FSHR: variants seen among roughly 807,000 people sequenced by gnomAD.
The protein encoded by FSHR is follicle stimulating hormone receptor.
FSHR carries 46 observed loss-of-function variants against 52.1 expected under a neutral mutation model. That is an observed-to-expected ratio of 0.88 (90% CI 0.70 to 1.13). FSHR has a LOEUF of 1.13. Among genes scored for constraint, FSHR ranks in the 50% most tolerant of loss-of-function variants. The pLI, the probability that FSHR is intolerant of heterozygous loss-of-function variation, is 0.00. For synonymous variants in FSHR, 399 were observed against 309.6 expected, an observed-to-expected ratio of 1.29 and a Z score of -3.03; for missense variants, 964 against 834.6, an observed-to-expected ratio of 1.16 and a Z score of -1.91.
chr2:49,002,065 G>C (rs867361849), intron 4 of FSHR, among the ~76,000 whole-genome samples: 32 of 152,000 alleles, frequency 2.1e-4, no homozygotes, highest in Admixed American at 2.6e-4. Flanking sequence ...TGTAAGTTTG[G>C]GGAATTCAGT....
chr2:49,129,622 A>C (rs1380834437), intron 1 of FSHR, among the ~76,000 whole-genome samples: 3 of 152,206 alleles, frequency 2.0e-5, no homozygotes, highest in African/African-American at 7.2e-5. Context: ...AAGATGTAGC[A>C]TGGTGTCCAT....
rs530965095 is a variant in FSHR, at chr2:49,119,076, C to A, written c.152+35190G>T. Reference sequence around the variant, plus strand: ...TTTGGGGACCTCCACGTTACATGGGCAGTGGACATCAGTGAGTAGGATAAG... The same window carrying A: ...TTTGGGGACCTCCACGTTACATGGGAAGTGGACATCAGTGAGTAGGATAAG... On this transcript the variant is annotated intron_variant, in intron 1 of 9. Coordinates refer to ENST00000406846, the MANE Select transcript of FSHR (RefSeq NM_000145.4). Among the ~76,000 whole-genome samples the A allele has an allele frequency of 1.3e-5, 2 of 152,176 alleles. 1 individual carries two copies. Among genetic ancestry groups the A allele is most frequent in the African/African-American group, 4.8e-5 (2 of 41,430 alleles).
intron 2 of FSHR, among the ~76,000 whole-genome samples, chr2:49,051,610 C>T (rs1668858889): frequency 6.6e-6 from 1 of 151,866 alleles, no homozygotes; most frequent in Non-Finnish European, 1.5e-5. Flanking sequence ...ATATGTATTG[C>T]AGATATTTTC....
rs550869530 is a variant in FSHR, at chr2:49,088,112, A to G, written c.153-19822T>C. Among the ~76,000 whole-genome samples, 3 of 152,324 alleles carry G rather than the reference A, an allele frequency of 2.0e-5. No homozygotes were observed. In the South Asian group the frequency reaches 6.2e-4, roughly 32 times the overall value. On this transcript the variant is annotated intron_variant, in intron 1 of 9. Coordinates refer to ENST00000406846, the MANE Select transcript of FSHR (RefSeq NM_000145.4). ...ATGGTTTATTTACTTGATCAAGGACACAGTTAGAAAGTGGCAGATGTAGTT... is the reference window on the plus strand; with the variant it reads ...ATGGTTTATTTACTTGATCAAGGACGCAGTTAGAAAGTGGCAGATGTAGTT...
chr2:49,004,484 G>A (rs1667012297), intron 4 of FSHR, among the ~76,000 whole-genome samples: 1 of 152,146 alleles, frequency 6.6e-6, no homozygotes, highest in African/African-American at 2.4e-5. Context: ...GCCTGAATAT[G>A]ATGAACTCAG....
At chr2:48,966,000 A>G (rs533691756) in intron 9 of FSHR, among the ~76,000 whole-genome samples, 4 of 152,308 alleles carry the variant, frequency 2.6e-5, no homozygotes, top group Admixed American at 2.0e-4. Context: ...GTGGCATAGC[A>G]GTGTCGCAGA....
At chr2:49,047,890 A>C (rs1668716486) in intron 2 of FSHR, among the ~76,000 whole-genome samples, 1 of 152,070 alleles carries the variant, frequency 6.6e-6, no homozygotes, top group Non-Finnish European at 1.5e-5. Context: ...ATTTATTATT[A>C]TTTTTTGAGA....
At chr2:48,990,695 T>C in intron 4 of FSHR, 58 bp from the exon 5 acceptor site, 1 of 1,020,238 alleles carries the variant, frequency 9.8e-7, no homozygotes, top group South Asian at 1.3e-5. Flanking sequence ...AAACAGTTGT[T>C]AGAGCATGAA....
chr2:49,078,192 C>T (rs1055950639), intron 1 of FSHR, among the ~76,000 whole-genome samples: 3 of 152,308 alleles, frequency 2.0e-5, no homozygotes, highest in African/African-American at 7.2e-5. Flanking sequence ...GGAGGCCTCA[C>T]AATCATGGTG....
chr2:49,013,695 C>G (rs1473477735), intron 4 of FSHR, among the ~76,000 whole-genome samples: 2 of 151,364 alleles, frequency 1.3e-5, no homozygotes, highest in African/African-American at 2.4e-5. Flanking sequence ...TCTCAACTCC[C>G]TAATGGGAAA....
chr2:49,115,922 C>T (rs568830825), intron 1 of FSHR, among the ~76,000 whole-genome samples: 57 of 152,200 alleles, frequency 3.7e-4, no homozygotes, highest in African/African-American at 1.3e-3. Context: ...TGAAACCCAG[C>T]AAAAGGGCCT....
intron 2 of FSHR, among the ~76,000 whole-genome samples, chr2:49,038,635 TAATA>T (rs1263698806): frequency 2.3e-5 from 1 of 43,200 alleles, no homozygotes; most frequent in Middle Eastern, 0.01. Flanking sequence ...AAAATAATAA[TAATA>T]ATAATAATAA....
intron 1 of FSHR, among the ~76,000 whole-genome samples, chr2:49,138,908 C>T (rs17038320): frequency 0.14 from 21,939 of 151,850 alleles, 1,639 homozygotes; most frequent in East Asian, 0.23. Flanking sequence ...TTCTAATGCT[C>T]GTAATTTCTG....
At chr2:49,117,453 T>TG (rs1453072591) in intron 1 of FSHR, among the ~76,000 whole-genome samples, 1 of 152,216 alleles carries the variant, frequency 6.6e-6, no homozygotes, top group Non-Finnish European at 1.5e-5. Context: ...AGTTTCTAAG[T>TG]GGATAGTCAT....
At chr2:48,972,730 C>A (rs777131165) in intron 8 of FSHR, among the ~76,000 whole-genome samples, 58 of 151,282 alleles carry the variant, frequency 3.8e-4, no homozygotes, top group Admixed American at 1.5e-3. Flanking sequence ...TTAAAAAAAA[C>A]ATTTTAGAAG....
intron 1 of FSHR, among the ~76,000 whole-genome samples, chr2:49,091,372 C>T (rs563455186): frequency 2.7e-4 from 41 of 152,220 alleles, no homozygotes; most frequent in African/African-American, 9.9e-4. Flanking sequence ...AGCATCATCA[C>T]GGCTCTCTGC....
At chr2:49,079,847 T>C (rs1670101395) in intron 1 of FSHR, among the ~76,000 whole-genome samples, 1 of 152,082 alleles carries the variant, frequency 6.6e-6, no homozygotes, top group Non-Finnish European at 1.5e-5. Flanking sequence ...CGCACTAAAA[T>C]TGAAAAATTA....
intron 1 of FSHR, among the ~76,000 whole-genome samples, chr2:49,117,201 C>A (rs538799326): frequency 6.6e-6 from 1 of 152,326 alleles, no homozygotes; most frequent in East Asian, 1.9e-4. Context: ...TACGGAATAT[C>A]TAGCTTCTGT....
chr2:49,052,419 T>C (rs1668896856), intron 2 of FSHR, among the ~76,000 whole-genome samples: 2 of 152,230 alleles, frequency 1.3e-5, no homozygotes, highest in South Asian at 4.1e-4. Context: ...AACTATCATC[T>C]ACCTCAGTGG....
Sources: allele counts gnomAD v4.1 joint callset (sites outside exome capture counted in the v4.1 genomes callset), GRCh38; gene constraint gnomAD v4.1.1; transcripts MANE v1.5; gene names NCBI Gene and HGNC (gene_info 2026-07-23, HGNC 2026-07-21).